The following TRPM3 variants were observed in gnomAD, a reference collection of about 807,000 sequenced individuals.
TRPM3 encodes long transient receptor potential channel 3.
In TRPM3, 77 loss-of-function variants were observed where a neutral mutation model predicts 181.2. That is an observed-to-expected ratio of 0.42 (90% CI 0.35 to 0.51). The LOEUF (loss-of-function observed/expected upper bound fraction) is 0.51. TRPM3 is among the 20% of genes least tolerant of loss of function. The pLI, the probability that TRPM3 is intolerant of heterozygous loss-of-function variation, is 0.01. For missense variants in TRPM3, 1,759 were observed against 2,196.7 expected, an observed-to-expected ratio of 0.80 and a Z score of 3.98; for synonymous variants, 745 against 796.4, an observed-to-expected ratio of 0.94 and a Z score of 1.09.
At chr9:70,741,822 G>T (rs560845522) in intron 8 of TRPM3, among the ~76,000 whole-genome samples, 2 of 152,250 alleles carry the variant, frequency 1.3e-5, no homozygotes, top group South Asian at 4.2e-4. Context: ...GGTACTTGGG[G>T]AAAGGGTGGG....
chr9:70,634,699 A>C (rs182451777), intron 12 of TRPM3, among the ~76,000 whole-genome samples: 124 of 152,310 alleles, frequency 8.1e-4, no homozygotes, highest in African/African-American at 2.7e-3. Flanking sequence ...TGAGATGAAA[A>C]GTGTGAAAAA....
chr9:71,405,876 T>C (rs1224147305), intron 1 of TRPM3, among the ~76,000 whole-genome samples: 1 of 152,256 alleles, frequency 6.6e-6, no homozygotes, highest in Non-Finnish European at 1.5e-5. Flanking sequence ...GTATCTATTC[T>C]TTATTGCTTC....
At chr9:70,971,762 G>T (rs1208441259) in intron 1 of TRPM3, among the ~76,000 whole-genome samples, 1 of 152,172 alleles carries the variant, frequency 6.6e-6, no homozygotes, top group East Asian at 1.9e-4. Context: ...GAAGTAGATT[G>T]TACTGGGGAC....
chr9:71,041,052 T>C (rs1216849088), intron 1 of TRPM3, among the ~76,000 whole-genome samples: 1 of 152,154 alleles, frequency 6.6e-6, no homozygotes, highest in Non-Finnish European at 1.5e-5. Flanking sequence ...ATAGATTACA[T>C]AATATTGTAT....
chr9:71,279,561 C>A (rs2084533214), intron 1 of TRPM3, among the ~76,000 whole-genome samples: 1 of 152,118 alleles, frequency 6.6e-6, no homozygotes, highest in Non-Finnish European at 1.5e-5. Context: ...ATTTAGTAAG[C>A]CTGGCATAAC....
rs1024113920 is a variant in TRPM3 at position 71,232,339 on chromosome 9, A to G, written c.183+214314T>C. ...TTAGTAAATTATAAAACCAGAAGTT[A>G]AACTGAAGCCGATATGATTCCAAGA... On this transcript the variant is annotated intron_variant, in intron 1 of 24. Transcript: ENST00000357533. Among the ~76,000 whole-genome samples the G allele has an allele frequency of 3.3e-5, 5 of 152,254 alleles. No homozygotes were observed. The Middle Eastern group carries it at 0.01, about 311-fold the overall frequency.
chr9:71,297,220 G>A (rs1480744057), intron 1 of TRPM3, among the ~76,000 whole-genome samples: 2 of 152,048 alleles, frequency 1.3e-5, no homozygotes, highest in East Asian at 3.9e-4. Flanking sequence ...ATCTCCAGAA[G>A]AGGAGTCACC....
At chr9:71,374,987 G>A (rs2092628320) in intron 1 of TRPM3, among the ~76,000 whole-genome samples, 1 of 152,132 alleles carries the variant, frequency 6.6e-6, no homozygotes, top group Admixed American at 6.5e-5. Flanking sequence ...TGAATAGGAA[G>A]AATCAATATA....
At chr9:70,793,858 T>C (rs1017461182) in intron 6 of TRPM3, among the ~76,000 whole-genome samples, 5 of 152,164 alleles carry the variant, frequency 3.3e-5, no homozygotes, top group Admixed American at 1.3e-4. Context: ...ACATGAAATA[T>C]TCAACACTTT....
At chr9:70,663,487 A>C (rs2061405486) in intron 9 of TRPM3, among the ~76,000 whole-genome samples, 1 of 152,156 alleles carries the variant, frequency 6.6e-6, no homozygotes, top group South Asian at 2.1e-4. Context: ...GGTTATAATA[A>C]TTTATCAGAT....
intron 1 of TRPM3, among the ~76,000 whole-genome samples, chr9:71,153,861 T>C (rs2075857268): frequency 6.6e-6 from 1 of 152,124 alleles, no homozygotes; most frequent in Non-Finnish European, 1.5e-5. Flanking sequence ...ACAGTGAGCA[T>C]CTTCCTTTTT....
At chr9:70,981,779 A>G (rs1285219137) in intron 1 of TRPM3, among the ~76,000 whole-genome samples, 1 of 152,176 alleles carries the variant, frequency 6.6e-6, no homozygotes, top group African/African-American at 2.4e-5. Context: ...CCCCCATTTC[A>G]TTTTGAAGCT....
At chr9:70,627,800 C>T (rs1268342940) in intron 12 of TRPM3, among the ~76,000 whole-genome samples, 1 of 152,170 alleles carries the variant, frequency 6.6e-6, no homozygotes, top group Admixed American at 6.5e-5. Flanking sequence ...ATCTGGCATC[C>T]ATTTGATGAG....
At chr9:71,125,964 T>C (rs377349172), upstream of TRPM3, among the ~76,000 whole-genome samples, 291 of 152,252 alleles carry the variant, frequency 1.9e-3, no homozygotes, top group African/African-American at 6.5e-3. Context: ...ATTTTTGCAA[T>C]CTATCCATCT....
chr9:70,870,946 AT>A (rs535997426), intron 1 of TRPM3, among the ~76,000 whole-genome samples: 3 of 151,846 alleles, frequency 2.0e-5, no homozygotes, highest in Non-Finnish European at 2.9e-5. Context: ...GTCAGAAAAT[AT>A]TTTTTTTCAA....
In TRPM3 at chr9:70,745,235, A is replaced by T. The variant is rs529577372; in HGVS notation, c.1272+16366T>A. ...TGGAGGTGAAAACTAAGACATACGG[A>T]GGTTAAATAACTTGCCCAGTATTGT... On this transcript the variant is annotated intron_variant, in intron 8 of 25. Transcript: ENST00000677713. 3.9e-5 allele frequency among the ~76,000 whole-genome samples: 6 copies of T among 152,220 alleles called. No individual in the cohort carries two copies. In the South Asian group the frequency reaches 1.2e-3, roughly 32 times the overall value.
At chr9:70,917,086 G>A (rs1322479170) in intron 1 of TRPM3, 3 of 1,599,524 alleles carry the variant, frequency 1.9e-6, no homozygotes, top group African/African-American at 2.7e-5. Context: ...ACTGCAACAG[G>A]TCCACTTTCA....
intron 1 of TRPM3, among the ~76,000 whole-genome samples, chr9:70,913,266 C>T (rs1197583780): frequency 6.6e-6 from 1 of 152,210 alleles, no homozygotes; most frequent in Admixed American, 6.5e-5. Flanking sequence ...TACCCGTACG[C>T]AGAGGTATCC....
At chr9:70,595,340 T>C (rs1428043500) in intron 21 of TRPM3, among the ~76,000 whole-genome samples, 1 of 152,198 alleles carries the variant, frequency 6.6e-6, no homozygotes, top group Non-Finnish European at 1.5e-5. Context: ...GCAGTAATTC[T>C]CAACAGAGGC....
Sources: allele counts gnomAD v4.1 joint callset (sites outside exome capture counted in the v4.1 genomes callset), GRCh38; gene constraint gnomAD v4.1.1; transcripts MANE v1.5; gene names NCBI Gene and HGNC (gene_info 2026-07-23, HGNC 2026-07-21).